The following ORC3 variants were observed in gnomAD, a reference collection of about 807,000 sequenced individuals.
ORC3 encodes origin recognition complex subunit 3.
In ORC3, 78 loss-of-function variants were observed where a neutral mutation model predicts 100.7. That is an observed-to-expected ratio of 0.77 (90% CI 0.65 to 0.94). The LOEUF (loss-of-function observed/expected upper bound fraction) is 0.94, where lower values mean the gene tolerates loss of function less well. Ranked by LOEUF, ORC3 falls within the 40% of genes least tolerant of loss-of-function variation. The pLI, the probability that ORC3 is intolerant of heterozygous loss-of-function variation, is 0.00. For synonymous variants in ORC3, 295 were observed against 289.3 expected (o/e 1.02, Z -0.20); for missense variants, 789 against 823.9 (o/e 0.96, Z 0.52).
At position 87,621,412 on chromosome 6, in the gene ORC3, C is replaced by A; in HGVS notation, c.1046C>A (p.Pro349Gln). The change falls in exon 10 of 20, where the codon CCA becomes CAA. Residue 349 changes from proline (P) to glutamine (Q), a missense_variant. By Grantham distance (76) the Pro-to-Gln change is moderately conservative. This residue lies in a region of ORC3 where 24 missense variants were observed against 47.7 expected (regional missense o/e 0.50). Transcript: ENST00000392844. The part of the protein sequence containing the change: ...QPLSVLCCNL[P>Q]EAKRRINFLS... Reference sequence around the variant, plus strand: ...TTAAGTGTCCTGTGCTGTAATCTTCCAGAAGCCAAAAGAAGAATAAATTTT... The same window carrying A: ...TTAAGTGTCCTGTGCTGTAATCTTCAAGAAGCCAAAAGAAGAATAAATTTT... 1 of 1,601,960 alleles carries A rather than the reference C, an allele frequency of 6.2e-7. No homozygotes were observed. The highest frequency in any genetic ancestry group is 2.3e-5 in the East Asian group (1 of 44,162).
Position 87,667,342 on chromosome 6 carries a change from C to G in ORC3, c.*219C>G. On this transcript the variant is annotated 3_prime_UTR_variant, in exon 20 of 20. Coordinates refer to ENST00000392844, the MANE Select transcript of ORC3 (RefSeq NM_012381.4). ...CCAACAAATAATAATGTAACTAAAACTGCTCACACATTTTACTGTACTTTC... is the reference window on the plus strand; with the variant it reads ...CCAACAAATAATAATGTAACTAAAAGTGCTCACACATTTTACTGTACTTTC... 1 of 404,128 alleles carries G rather than the reference C, an allele frequency of 2.5e-6. No homozygotes were observed. Among genetic ancestry groups the G allele is most frequent in the South Asian group, 7.6e-5 (1 of 13,124 alleles). 25.0% of individuals were successfully genotyped at this position (404,128 alleles called of 1,614,324 possible).
At chr6:87,623,374 A>G (rs1195251541) in intron 11 of ORC3, among the ~76,000 whole-genome samples, 4 of 152,200 alleles carry the variant, frequency 2.6e-5, no homozygotes, top group Non-Finnish European at 1.5e-5. Flanking sequence ...CTGGGAAGAA[A>G]TTTAAGAACT....
intron 1 of ORC3, among the ~76,000 whole-genome samples, chr6:87,591,204 T>C (rs962601052): frequency 6.6e-6 from 1 of 152,210 alleles, no homozygotes; most frequent in African/African-American, 2.4e-5. Context: ...GACAGCGCTG[T>C]TCTGGACCAC....
chr6:87,656,569 A>C (rs1294612483), intron 14 of ORC3, among the ~76,000 whole-genome samples: 3 of 152,132 alleles, frequency 2.0e-5, no homozygotes, highest in African/African-American at 7.2e-5. Context: ...CCTGGGCAAC[A>C]GAGCAAGACT....
intron 16 of ORC3, among the ~76,000 whole-genome samples, chr6:87,661,692 A>G (rs182709813): frequency 6.6e-6 from 1 of 152,278 alleles, no homozygotes; most frequent in African/African-American, 2.4e-5. Context: ...CTGGTAGGAA[A>G]AGGAGCTGAC....
At chr6:87,593,411 A>C (rs1410421864) in intron 1 of ORC3, among the ~76,000 whole-genome samples, 1 of 152,216 alleles carries the variant, frequency 6.6e-6, no homozygotes, top group Non-Finnish European at 1.5e-5. Context: ...TACGATATAC[A>C]ATTAAAGTGA....
At chr6:87,675,735 A>G in the ORC3 span, 1 of 1,448,970 alleles carries the variant, frequency 6.9e-7, no homozygotes, top group Non-Finnish European at 9.6e-7. Flanking sequence ...TATGCTGCCT[A>G]TTTCCTCCAT....
At chr6:87,676,602 C>CACACACACACACACACACAT in the ORC3 span, among the ~76,000 whole-genome samples, 1 of 68,508 alleles carries the variant, frequency 1.5e-5, no homozygotes, top group South Asian at 5.2e-4. Context: ...TAAAAACACA[C>CACACACACACACACACACAT]ACACACACAC....
At chr6:87,624,151 A>C (rs925346375) in intron 11 of ORC3, among the ~76,000 whole-genome samples, 1 of 152,152 alleles carries the variant, frequency 6.6e-6, no homozygotes, top group African/African-American at 2.4e-5. Context: ...GCTGCAGGCT[A>C]CCTGCTGAAA....
At chr6:87,615,856 A>G (rs776941027) in intron 8 of ORC3, among the ~76,000 whole-genome samples, 2 of 152,206 alleles carry the variant, frequency 1.3e-5, no homozygotes, top group African/African-American at 4.8e-5. Context: ...GCTATTCTAT[A>G]CTTTTGAAAT....
intron 13 of ORC3, among the ~76,000 whole-genome samples, chr6:87,646,794 C>A (rs1489167634): frequency 1.3e-5 from 2 of 152,188 alleles, no homozygotes; most frequent in Non-Finnish European, 2.9e-5. Flanking sequence ...AAGCCTATAC[C>A]TCTCTCCTGA....
intron 2 of ORC3, among the ~76,000 whole-genome samples, chr6:87,596,445 G>A (rs1042968003): frequency 8.8e-6 from 1 of 113,998 alleles, no homozygotes; most frequent in Non-Finnish European, 1.8e-5. Context: ...TTGTTTTTTT[G>A]TTGTTTTTTT....
intron 13 of ORC3, among the ~76,000 whole-genome samples, chr6:87,645,425 TTTG>T (rs1768684769): frequency 1.3e-5 from 2 of 152,244 alleles, no homozygotes; most frequent in African/African-American, 4.8e-5. Flanking sequence ...ACATAATTGC[TTTG>T]TTGTGTTAGT....
chr6:87,673,952 G>GA, the ORC3 span, among the ~76,000 whole-genome samples: 1 of 152,184 alleles, frequency 6.6e-6, no homozygotes, highest in Middle Eastern at 3.4e-3. Context: ...GGCACCTTGT[G>GA]AAACCACTTT....
rs1391538971 is a variant in ORC3, at chr6:87,609,308, T to C, written c.713+79T>C. 5 of 899,408 alleles carry C rather than the reference T, an allele frequency of 5.6e-6. No individual in the cohort carries two copies. The East Asian group carries it at 1.4e-4, about 25-fold the overall frequency. The allele number at this position is 899,408 out of a possible 1,614,324, so 55.7% of individuals were successfully genotyped here. A position where few individuals can be genotyped will look rare whatever the true frequency, so the allele number is the denominator to read the frequency against. On this transcript the variant is annotated intron_variant, in intron 7 of 19. Transcript: ENST00000392844. ...TACTTTTAACTTGAAAAGTATAATCTTCATTTTAATACCAACTGGATAAAA... is the reference window on the plus strand; with the variant it reads ...TACTTTTAACTTGAAAAGTATAATCCTCATTTTAATACCAACTGGATAAAA...
chr6:87,675,480 A>T, the ORC3 span: 7 of 1,443,274 alleles, frequency 4.9e-6, no homozygotes, highest in East Asian at 1.4e-4. Flanking sequence ...CACTGACGAA[A>T]GCTTGAAATA....
chr6:87,622,470 A>G (rs1779605027), intron 11 of ORC3, among the ~76,000 whole-genome samples: 1 of 152,186 alleles, frequency 6.6e-6, no homozygotes, highest in African/African-American at 2.4e-5. Context: ...ATATAAAGCT[A>G]GGAAAGAAGT....
At chr6:87,616,134 T>C (rs555463592) in intron 8 of ORC3, among the ~76,000 whole-genome samples, 180 bp from the exon 9 acceptor site, 2 of 152,328 alleles carry the variant, frequency 1.3e-5, no homozygotes, top group African/African-American at 4.8e-5. Context: ...TTTTTGTTAC[T>C]CTTGTATAAA....
intron 13 of ORC3, among the ~76,000 whole-genome samples, chr6:87,652,594 T>G (rs1340125045): frequency 6.6e-6 from 1 of 152,250 alleles, no homozygotes; most frequent in Non-Finnish European, 1.5e-5. Context: ...TGTACTATTT[T>G]GGTTCTTTCA....
Sources: allele counts gnomAD v4.1 joint callset (sites outside exome capture counted in the v4.1 genomes callset), GRCh38; gene constraint gnomAD v4.1.1; regional missense constraint gnomAD v4.1.1; transcripts MANE v1.5; gene names NCBI Gene and HGNC (gene_info 2026-07-23, HGNC 2026-07-21).